The following NAV2 variants were observed in gnomAD, a reference collection of about 807,000 sequenced individuals.
The protein encoded by NAV2 is helicase, APC down-regulated 1.
In NAV2, 54 loss-of-function variants were observed where a neutral mutation model predicts 223.2. The ratio of observed to expected loss-of-function variants is 0.24; its 90% CI spans 0.19 to 0.30. The LOEUF (loss-of-function observed/expected upper bound fraction) is 0.30, where lower values mean the gene tolerates loss of function less well. NAV2 is among the 10% of genes least tolerant of loss of function. The pLI is 1.00. For synonymous variants in NAV2, 1,279 were observed against 1,239.3 expected, an observed-to-expected ratio of 1.03 and a Z score of -0.67; for missense variants, 2,806 against 3,147.5, an observed-to-expected ratio of 0.89 and a Z score of 2.60.
At chr11:19,836,725 G>C (rs1164485471) in intron 2 of NAV2, among the ~76,000 whole-genome samples, 60 of 152,194 alleles carry the variant, frequency 3.9e-4, no homozygotes, top group Admixed American at 3.9e-3. Flanking sequence ...TCTTTTCTTA[G>C]ATTCAGACTG....
At chr11:20,096,365 A>G (rs1001631494) in intron 30 of NAV2, among the ~76,000 whole-genome samples, 1 of 152,208 alleles carries the variant, frequency 6.6e-6, no homozygotes, top group Non-Finnish European at 1.5e-5. Context: ...CTTGAAACAC[A>G]TGGTGATTTG....
chr11:19,926,265 C>A (rs7117995), intron 6 of NAV2, among the ~76,000 whole-genome samples: 85,879 of 151,998 alleles, frequency 0.57, 24,626 homozygotes, highest in South Asian at 0.71. Flanking sequence ...ACACAATAAG[C>A]TCCTTGAAGC....
rs115470487 is a variant in NAV2, at chr11:19,757,480, C to T, written c.267+43518C>T. 4.7e-3 allele frequency among the ~76,000 whole-genome samples: 716 copies of T among 152,288 alleles called. 3 individuals carry two copies. The highest frequency in any genetic ancestry group is 0.016 in the African/African-American group (677 of 41,564). On this transcript the variant is annotated intron_variant, in intron 1 of 37. Coordinates refer to ENST00000349880, the MANE Select transcript of NAV2 (RefSeq NM_145117.5). ...TGAATTTCTGAATTAAAGGCTTTTGCTCCTCTGCCTCGGGTTAACTGTGTG... is the reference window on the plus strand; with the variant it reads ...TGAATTTCTGAATTAAAGGCTTTTGTTCCTCTGCCTCGGGTTAACTGTGTG...
intron 1 of NAV2, among the ~76,000 whole-genome samples, chr11:19,477,035 T>A (rs2702723): frequency 0.54 from 82,060 of 151,936 alleles, 22,138 homozygotes; most frequent in Admixed American, 0.58. Context: ...CATATTGCAT[T>A]CCCAAGGGGT....
intron 1 of NAV2, among the ~76,000 whole-genome samples, chr11:19,468,260 T>C (rs1315700786): frequency 6.6e-6 from 1 of 152,220 alleles, no homozygotes; most frequent in Non-Finnish European, 1.5e-5. Context: ...TGTATATTAG[T>C]TTCTGAGAGC....
chr11:19,835,537 G>A (rs182757271), intron 2 of NAV2, among the ~76,000 whole-genome samples: 3 of 151,990 alleles, frequency 2.0e-5, no homozygotes, highest in Non-Finnish European at 4.4e-5. Context: ...TTGGTGAGAG[G>A]GGGGAGAAGC....
chr11:19,816,884 A>T (rs951041611), intron 1 of NAV2, among the ~76,000 whole-genome samples: 1 of 152,188 alleles, frequency 6.6e-6, no homozygotes, highest in Non-Finnish European at 1.5e-5. Context: ...GTGAAACCAG[A>T]GGAGGCTCCC....
chr11:19,559,974 G>A (rs2045041195), intron 1 of NAV2, among the ~76,000 whole-genome samples: 1 of 152,196 alleles, frequency 6.6e-6, no homozygotes, highest in Admixed American at 6.5e-5. Flanking sequence ...AGCTGAGTCT[G>A]CCTTAGCCAT....
chr11:19,949,186 C>T (rs1437457947), intron 10 of NAV2, 106 bp downstream of exon 10: 1 of 1,259,440 alleles, frequency 7.9e-7, no homozygotes, highest in African/African-American at 1.5e-5. Context: ...TCAAACTGCC[C>T]ACCTGAGTTT....
chr11:19,857,172 C>A (rs140232089), intron 3 of NAV2, among the ~76,000 whole-genome samples: 16 of 152,226 alleles, frequency 1.1e-4, no homozygotes, highest in Non-Finnish European at 1.8e-4. Flanking sequence ...AGAGACATAT[C>A]TACTCCTGAA....
chr11:20,019,051 C>G (rs2436183), intron 11 of NAV2, among the ~76,000 whole-genome samples: 4,484 of 152,264 alleles, frequency 0.029, 225 homozygotes, highest in African/African-American at 0.1. Flanking sequence ...GAATTTTATT[C>G]TAAGTTCCCT....
intron 10 of NAV2, among the ~76,000 whole-genome samples, chr11:19,951,881 C>G (rs920614854): frequency 3.3e-5 from 5 of 152,196 alleles, no homozygotes; most frequent in African/African-American, 1.2e-4. Context: ...AAGCAAAGCA[C>G]CCAATTACTG....
chr11:19,736,205 A>G (rs2052283240), intron 1 of NAV2, among the ~76,000 whole-genome samples: 1 of 152,356 alleles, frequency 6.6e-6, no homozygotes, highest in South Asian at 2.1e-4. Flanking sequence ...ATCATGAAGC[A>G]TGTTTTTACA....
chr11:19,676,295 C>G (rs758093183), intron 1 of NAV2, among the ~76,000 whole-genome samples: 1 of 151,982 alleles, frequency 6.6e-6, no homozygotes, highest in African/African-American at 2.4e-5. Flanking sequence ...TCATAACTGG[C>G]TCTCCCACCT....
At chr11:20,036,330 T>G (rs937885104) in intron 12 of NAV2, among the ~76,000 whole-genome samples, 2 of 152,246 alleles carry the variant, frequency 1.3e-5, no homozygotes, top group Non-Finnish European at 2.9e-5. Flanking sequence ...ACCCTCACTG[T>G]GTGGACTTGA....
At chr11:19,604,015 G>A (rs770507628) in intron 1 of NAV2, among the ~76,000 whole-genome samples, 14 of 152,140 alleles carry the variant, frequency 9.2e-5, no homozygotes, top group Non-Finnish European at 2.1e-4. Flanking sequence ...AAGGAAGAGC[G>A]TGTGGCTGGG....
At chr11:19,940,192 G>GT (rs1394383880) in intron 8 of NAV2, among the ~76,000 whole-genome samples, 2 of 151,706 alleles carry the variant, frequency 1.3e-5, no homozygotes, top group African/African-American at 4.8e-5. Flanking sequence ...TTTAAAATAT[G>GT]TTCTTAGAGT....
intron 1 of NAV2, among the ~76,000 whole-genome samples, chr11:19,367,612 A>G (rs1048062681): frequency 1.3e-5 from 2 of 152,100 alleles, no homozygotes; most frequent in African/African-American, 4.8e-5. Flanking sequence ...CTGCTCTTGG[A>G]GTCATCTCTG....
At chr11:20,067,090 G>A (rs147023565) in intron 20 of NAV2, among the ~76,000 whole-genome samples, 15 of 152,296 alleles carry the variant, frequency 9.8e-5, no homozygotes, top group African/African-American at 3.6e-4. Context: ...CAGCATGTAA[G>A]GGACAAAGAG....
Sources: allele counts gnomAD v4.1 joint callset (sites outside exome capture counted in the v4.1 genomes callset), GRCh38; gene constraint gnomAD v4.1.1; transcripts MANE v1.5; gene names NCBI Gene and HGNC (gene_info 2026-07-23, HGNC 2026-07-21).